XYLT1: variants seen among roughly 807,000 people sequenced by gnomAD.
The protein encoded by XYLT1 is xylosyltransferase 1, also known as beta-D-xylosyltransferase 1.
Under a neutral mutation model 91.3 loss-of-function variants are expected in XYLT1, and 36 were observed. The ratio of observed to expected loss-of-function variants is 0.39; its 90% CI spans 0.30 to 0.52. XYLT1 has a LOEUF of 0.52. Ranked by LOEUF, XYLT1 falls within the 20% of genes least tolerant of loss-of-function variation. The probability of loss-of-function intolerance (pLI) is 0.68; values close to 1 mark genes in which losing one functional copy is unlikely to be tolerated. For synonymous variants in XYLT1, 588 were observed against 532.0 expected (o/e 1.11, Z -1.45); for missense variants, 1,242 against 1,284.5 (o/e 0.97, Z 0.51).
intron 6 of XYLT1, among the ~76,000 whole-genome samples, chr16:17,146,848 C>G (rs2031146086): frequency 6.6e-6 from 1 of 152,198 alleles, no homozygotes; most frequent in Non-Finnish European, 1.5e-5. Context: ...ACAGAGGACT[C>G]AACACAAGGG....
chr16:17,443,879 A>T lies in XYLT1; in HGVS notation c.363+26555T>A, dbSNP rs145113371. ...CAAAGCTGATCCTTTTCCTGCTTTG[A>T]GCTCCCAATACTTTTCCATGACACT... On this transcript the variant is annotated intron_variant, in intron 1 of 11. Transcript: ENST00000261381. 9.5e-4 allele frequency among the ~76,000 whole-genome samples: 145 copies of T among 151,884 alleles called. 1 individual carries two copies. Among genetic ancestry groups the T allele is most frequent in the African/African-American group, 3.4e-3 (139 of 41,388 alleles).
intron 1 of XYLT1, among the ~76,000 whole-genome samples, chr16:17,438,639 A>T (rs879787532): frequency 2.0e-5 from 3 of 152,162 alleles, no homozygotes; most frequent in Non-Finnish European, 2.9e-5. Context: ...TAATTGACTC[A>T]GTTCCACAGG....
At chr16:17,434,214 T>C (rs887670104) in intron 1 of XYLT1, among the ~76,000 whole-genome samples, 1 of 152,200 alleles carries the variant, frequency 6.6e-6, no homozygotes, top group Non-Finnish European at 1.5e-5. Flanking sequence ...TCCATCATCA[T>C]CAATGTCAAA....
chr16:17,416,149 CT>C (rs1355689176), intron 1 of XYLT1, among the ~76,000 whole-genome samples: 1 of 152,242 alleles, frequency 6.6e-6, no homozygotes, highest in Non-Finnish European at 1.5e-5. Flanking sequence ...AGTGGCACCC[CT>C]GGTCTGTACC....
At chr16:17,395,517 A>G (rs2035872430) in intron 1 of XYLT1, among the ~76,000 whole-genome samples, 1 of 152,232 alleles carries the variant, frequency 6.6e-6, no homozygotes, top group Admixed American at 6.5e-5. Flanking sequence ...CTCTAAAAAA[A>G]TAAAAATAAT....
chr16:17,138,284 C>CCTGGGATTTCTGCAGAGGTTTGTTGG, intron 8 of XYLT1, 71 bp downstream of exon 8: 1 of 1,563,518 alleles, frequency 6.4e-7, no homozygotes, highest in Non-Finnish European at 8.7e-7. Flanking sequence ...GCAGGTCTGG[C>CCTGGGATTTCTGCAGAGGTTTGTTGG]CTTGGATTTC....
intron 2 of XYLT1, among the ~76,000 whole-genome samples, chr16:17,331,365 G>C (rs1162892105): frequency 6.6e-6 from 1 of 152,210 alleles, no homozygotes; most frequent in Non-Finnish European, 1.5e-5. Context: ...CTAACAGCCT[G>C]GCTCCTTGGC....
chr16:17,234,956 T>C (rs1028796571), intron 3 of XYLT1, among the ~76,000 whole-genome samples: 4 of 152,126 alleles, frequency 2.6e-5, no homozygotes, highest in Non-Finnish European at 5.9e-5. Context: ...CTGAGCAAAA[T>C]AGGTAATGGA....
chr16:17,375,273 C>T (rs945995116), intron 1 of XYLT1, among the ~76,000 whole-genome samples: 1 of 152,068 alleles, frequency 6.6e-6, no homozygotes, highest in Admixed American at 6.5e-5. Context: ...CTATGAAGTA[C>T]ATACTATTCT....
chr16:17,465,187 A>G (rs1214460337), intron 1 of XYLT1, among the ~76,000 whole-genome samples: 2 of 145,984 alleles, frequency 1.4e-5, no homozygotes, highest in African/African-American at 5.0e-5. Context: ...TTGGGAATGC[A>G]TGGTTGCATT....
intron 11 of XYLT1, among the ~76,000 whole-genome samples, chr16:17,115,260 A>G (rs977929433): frequency 7.0e-6 from 1 of 143,872 alleles, no homozygotes; most frequent in African/African-American, 2.5e-5. Flanking sequence ...GTTTAGATCC[A>G]GGAGTTTGAG....
chr16:17,452,340 A>G (rs2036678146), intron 1 of XYLT1, among the ~76,000 whole-genome samples: 1 of 141,158 alleles, frequency 7.1e-6, no homozygotes, highest in Non-Finnish European at 1.5e-5. Flanking sequence ...ACAGGGTCTC[A>G]GGCCTGGCAC....
chr16:17,351,740 C>CT lies in XYLT1; in HGVS notation c.402+6271dup, dbSNP rs201013023. 3.6e-4 allele frequency among the ~76,000 whole-genome samples: 41 copies of CT among 113,662 alleles called. 3 individuals carry two copies. The highest frequency in any genetic ancestry group is 1.2e-3 in the South Asian group (5 of 4,002). The allele number at this position is 113,662 out of a possible 152,430, so 74.6% of individuals were successfully genotyped here. Reference sequence around the variant, plus strand: ...ACCTTGCCACTACTGACATTTGAGGCTTTTTTTTTGGGGGGGGGTGCTTTC... The same window carrying CT: ...ACCTTGCCACTACTGACATTTGAGGCTTTTTTTTTTGGGGGGGGGTGCTTTC... On this transcript the variant is annotated intron_variant, in intron 2 of 11. Coordinates refer to ENST00000261381, the MANE Select transcript of XYLT1 (RefSeq NM_022166.4).
At chr16:17,216,158 G>T (rs773000944) in intron 3 of XYLT1, among the ~76,000 whole-genome samples, 8 of 152,178 alleles carry the variant, frequency 5.3e-5, no homozygotes, top group Non-Finnish European at 1.2e-4. Flanking sequence ...CCTGTCGCTT[G>T]ACATTTTCAT....
At chr16:17,324,875 C>T (rs796323283) in intron 2 of XYLT1, among the ~76,000 whole-genome samples, 2 of 151,634 alleles carry the variant, frequency 1.3e-5, no homozygotes, top group African/African-American at 2.4e-5. Context: ...TTTTTTCAAG[C>T]TTTGTTATAA....
At chr16:17,326,295 T>C (rs1196837058) in intron 2 of XYLT1, among the ~76,000 whole-genome samples, 1 of 152,202 alleles carries the variant, frequency 6.6e-6, no homozygotes, top group Non-Finnish European at 1.5e-5. Context: ...TTATACCAAT[T>C]GGAAAATGCC....
chr16:17,404,548 CA>C (rs2036006738), intron 1 of XYLT1, among the ~76,000 whole-genome samples: 1 of 152,182 alleles, frequency 6.6e-6, no homozygotes. Context: ...TCACATGGTG[CA>C]TAGGAAGCAA....
intron 5 of XYLT1, among the ~76,000 whole-genome samples, chr16:17,169,347 T>C (rs1482961846): frequency 6.6e-6 from 1 of 152,216 alleles, no homozygotes; most frequent in Non-Finnish European, 1.5e-5. Context: ...ATTTACCTTT[T>C]TGTACTGACA....
intron 2 of XYLT1, among the ~76,000 whole-genome samples, chr16:17,325,489 A>G (rs2141833553): frequency 6.6e-6 from 1 of 152,334 alleles, no homozygotes; most frequent in Middle Eastern, 3.4e-3. Context: ...ACCAATGAAA[A>G]CAGCAATTTC....
Sources: allele counts gnomAD v4.1 joint callset (sites outside exome capture counted in the v4.1 genomes callset), GRCh38; gene constraint gnomAD v4.1.1; transcripts MANE v1.5; gene names NCBI Gene and HGNC (gene_info 2026-07-23, HGNC 2026-07-21).